Variants in ST6GALNAC5 observed in about 807,000 individuals in gnomAD.
ST6GALNAC5 encodes alpha-N-acetylgalactosaminide alpha-2,6-sialyltransferase 5.
Under a neutral mutation model 33.6 loss-of-function variants are expected in ST6GALNAC5, and 27 were observed. That is an observed-to-expected ratio of 0.80 (90% confidence interval 0.59 to 1.11). ST6GALNAC5 has a LOEUF of 1.11. Ranked by LOEUF, ST6GALNAC5 falls within the 50% of genes least tolerant of loss-of-function variation. The pLI is 0.00. For missense variants in ST6GALNAC5, 428 were observed against 454.0 expected, an observed-to-expected ratio of 0.94 and a Z score of 0.52; for synonymous variants, 194 against 171.2, an observed-to-expected ratio of 1.13 and a Z score of -1.04.
chr1:76,940,989 A>T (rs1242985998), intron 2 of ST6GALNAC5, among the ~76,000 whole-genome samples: 2 of 152,016 alleles, frequency 1.3e-5, no homozygotes, highest in African/African-American at 4.8e-5. Flanking sequence ...TTGACACCTC[A>T]TAAAATTAGT....
At position 77,063,834 on chromosome 1, in the gene ST6GALNAC5, A is replaced by T. The variant is rs1380376166; in HGVS notation, c.*628A>T. ...CTTTAATCCTGAATGATGGTTGGAA[A>T]TGGCCTAGAATTAGGTTACTCTGTT... On this transcript the variant is annotated 3_prime_UTR_variant, in exon 5 of 5. Coordinates refer to ENST00000477717, the MANE Select transcript of ST6GALNAC5 (RefSeq NM_030965.3). The T allele has an allele frequency of 1.3e-5, 2 of 153,004 alleles. No homozygotes were observed. Among genetic ancestry groups the T allele is most frequent in the Non-Finnish European group, 2.9e-5 (2 of 68,358 alleles). The allele number at this position is 153,004 out of a possible 1,614,324, so 9.5% of individuals were successfully genotyped here.
chr1:77,059,084 A>G lies in ST6GALNAC5; in HGVS notation c.780-3891A>G, dbSNP rs1478797479. On this transcript the variant is annotated intron_variant, in intron 4 of 4. Coordinates refer to ENST00000477717, the MANE Select transcript of ST6GALNAC5 (RefSeq NM_030965.3). ...AAAAATATGTTTATTTTTGTTTCAA[A>G]TAATTTTAGAGTTACAGAAAGGTTG... Among the ~76,000 whole-genome samples, 3 of 152,230 alleles carry G rather than the reference A, an allele frequency of 2.0e-5. No homozygotes were observed. The East Asian group carries it at 5.8e-4, about 29-fold the overall frequency.
intron 2 of ST6GALNAC5, among the ~76,000 whole-genome samples, chr1:76,936,629 G>A (rs918660034): frequency 3.9e-5 from 6 of 152,018 alleles, no homozygotes; most frequent in Admixed American, 6.6e-5. Context: ...TTTCTATGGC[G>A]TAGTTCCCTT....
intron 2 of ST6GALNAC5, among the ~76,000 whole-genome samples, chr1:76,879,103 T>C (rs1391156134): frequency 6.6e-6 from 1 of 152,136 alleles, no homozygotes; most frequent in Non-Finnish European, 1.5e-5. Flanking sequence ...CATAAATCTA[T>C]TTCACAAGGC....
intron 2 of ST6GALNAC5, among the ~76,000 whole-genome samples, chr1:76,909,540 T>G (rs1270007366): frequency 6.6e-6 from 1 of 152,068 alleles, no homozygotes; most frequent in Non-Finnish European, 1.5e-5. Context: ...AATGTTAATT[T>G]TTCACTGTCA....
At position 76,981,017 on chromosome 1, in the gene ST6GALNAC5, G is replaced by A. The variant is rs535989374; in HGVS notation, c.262-63187G>A. On this transcript the variant is annotated intron_variant, in intron 2 of 4. Transcript: ENST00000477717. ...AAATAATATGTAATGAAAAAGGGGG[G>A]CACATTCCAAGATGGCCAAATAGGA... 1.1e-3 allele frequency among the ~76,000 whole-genome samples: 173 copies of A among 152,228 alleles called. 1 individual carries two copies. The highest frequency in any genetic ancestry group is 4.1e-3 in the African/African-American group (170 of 41,540).
chr1:76,972,377 G>A (rs1648795889), intron 2 of ST6GALNAC5, among the ~76,000 whole-genome samples: 1 of 152,136 alleles, frequency 6.6e-6, no homozygotes, highest in Admixed American at 6.5e-5. Context: ...TGAGATTTGT[G>A]TGGGGACACA....
At chr1:77,033,186 C>G (rs1185769972) in intron 2 of ST6GALNAC5, among the ~76,000 whole-genome samples, 1 of 152,186 alleles carries the variant, frequency 6.6e-6, no homozygotes, top group Non-Finnish European at 1.5e-5. Context: ...ATAGGCCTGT[C>G]CCACTGACAA....
chr1:76,878,177 T>C (rs902699729), intron 2 of ST6GALNAC5, among the ~76,000 whole-genome samples: 4 of 152,162 alleles, frequency 2.6e-5, no homozygotes, highest in African/African-American at 9.7e-5. Context: ...TGCGATATTG[T>C]TTTTGATTTA....
chr1:76,897,694 A>G lies in ST6GALNAC5; in HGVS notation c.261+28952A>G, dbSNP rs559897285. On this transcript the variant is annotated intron_variant, in intron 2 of 4. Coordinates refer to ENST00000477717, the MANE Select transcript of ST6GALNAC5 (RefSeq NM_030965.3). Reference sequence around the variant, plus strand: ...AGGGCGGCAGTAAGATGTAGCTGTAATCCAGGAATAGTCAGGGAAGCAGAT... The same window carrying G: ...AGGGCGGCAGTAAGATGTAGCTGTAGTCCAGGAATAGTCAGGGAAGCAGAT... 1.8e-4 allele frequency among the ~76,000 whole-genome samples: 28 copies of G among 152,272 alleles called. No homozygotes were observed. In the East Asian group the frequency reaches 4.1e-3, roughly 22 times the overall value.
chr1:77,016,143 C>CT (rs1280099026), intron 2 of ST6GALNAC5, among the ~76,000 whole-genome samples: 5 of 96,462 alleles, frequency 5.2e-5, no homozygotes, highest in African/African-American at 1.7e-4. Flanking sequence ...CTCCTCCCTC[C>CT]CCTCCTGTAT....
intron 2 of ST6GALNAC5, among the ~76,000 whole-genome samples, chr1:76,907,902 G>A (rs1399091407): frequency 3.3e-5 from 5 of 152,016 alleles, no homozygotes; most frequent in Non-Finnish European, 7.4e-5. Flanking sequence ...CTGTTAACCA[G>A]GAATGCTAAA....
chr1:77,057,891 TC>T (rs1652452345), intron 4 of ST6GALNAC5, among the ~76,000 whole-genome samples: 1 of 151,902 alleles, frequency 6.6e-6, no homozygotes, highest in Admixed American at 6.6e-5. Context: ...TTTAGAAGAG[TC>T]AAAAAGTGGA....
intron 2 of ST6GALNAC5, among the ~76,000 whole-genome samples, chr1:76,908,617 T>C (rs886795839): frequency 2.0e-5 from 3 of 152,140 alleles, no homozygotes; most frequent in African/African-American, 7.2e-5. Flanking sequence ...CACTTAGACC[T>C]CACTTCCTTC....
At chr1:77,018,932 CA>C (rs1650951619) in intron 2 of ST6GALNAC5, among the ~76,000 whole-genome samples, 1 of 152,164 alleles carries the variant, frequency 6.6e-6, no homozygotes, top group Non-Finnish European at 1.5e-5. Context: ...TGGCATTTCA[CA>C]AGGGAGTCAG....
intron 2 of ST6GALNAC5, among the ~76,000 whole-genome samples, chr1:76,980,860 TAG>T (rs1649221451): frequency 6.6e-6 from 1 of 151,828 alleles, no homozygotes; most frequent in South Asian, 2.1e-4. Context: ...TAAGAAAAAA[TAG>T]AGAAAGTGGA....
At chr1:76,874,993 A>C (rs1206547318) in intron 2 of ST6GALNAC5, among the ~76,000 whole-genome samples, 1 of 152,232 alleles carries the variant, frequency 6.6e-6, no homozygotes. Flanking sequence ...AAAAGTTATC[A>C]ATACTTAAAT....
At position 77,032,992 on chromosome 1, in the gene ST6GALNAC5, G is replaced by A. The variant is rs150968088; in HGVS notation, c.262-11212G>A. The stretch of plus-strand genomic sequence containing the variant: ...ACATTAAATATCACCTCACTCTAAT[G>A]AAAATGCAGGTTTTTGTTTGTTCTA... On this transcript the variant is annotated intron_variant, in intron 2 of 4. Transcript: ENST00000477717. Among the ~76,000 whole-genome samples, 106 of 152,274 alleles carry A rather than the reference G, an allele frequency of 7.0e-4. 1 individual carries two copies. Among genetic ancestry groups the A allele is most frequent in the African/African-American group, 2.5e-3 (105 of 41,550 alleles).
chr1:77,046,062 G>C (rs529720240), intron 3 of ST6GALNAC5, among the ~76,000 whole-genome samples: 1 of 152,120 alleles, frequency 6.6e-6, no homozygotes, highest in Non-Finnish European at 1.5e-5. Flanking sequence ...ACTTTCATAC[G>C]TTTGTGATGT....
Sources: allele counts gnomAD v4.1 joint callset (sites outside exome capture counted in the v4.1 genomes callset), GRCh38; gene constraint gnomAD v4.1.1; transcripts MANE v1.5; gene names NCBI Gene and HGNC (gene_info 2026-07-23, HGNC 2026-07-21).